Variants in CCDC83 observed in about 807,000 individuals in gnomAD.
The protein encoded by CCDC83 is coiled-coil domain containing 83.
In CCDC83, 54 loss-of-function variants were observed where a neutral mutation model predicts 50.1. The observed-to-expected ratio is 1.08, with a 90% CI of 0.87 to 1.35. CCDC83 has a LOEUF of 1.35. Ranked by LOEUF, CCDC83 falls within the 40% of genes most tolerant of loss-of-function variation. The pLI, the probability that CCDC83 is intolerant of heterozygous loss-of-function variation, is 0.00. For missense variants in CCDC83, 518 were observed against 473.9 expected, an observed-to-expected ratio of 1.09 and a Z score of -0.86; for synonymous variants, 161 against 153.3, an observed-to-expected ratio of 1.05 and a Z score of -0.37.
Position 85,919,408 on chromosome 11 carries a change from G to C in CCDC83, c.1140G>C (p.Met380Ile), listed in dbSNP as rs779300716. 8 of 1,613,604 alleles carry C rather than the reference G, an allele frequency of 5.0e-6. No homozygotes were observed. In the South Asian group the frequency reaches 8.8e-5, roughly 18 times the overall value. The change falls in exon 11 of 11, where the codon ATG (methionine) becomes ATC (isoleucine). Residue 380 changes from methionine to isoleucine, a missense_variant. Transcript: ENST00000342404. ...VKLMSVESKK[M>I]PIHFQEKEIP... is the part of the protein sequence containing the mutation. ...TTATGAGTGTGGAGAGCAAGAAAAT[G>C]CCCATTCATTTTCAAGAGAAGGAAA...
intron 3 of CCDC83, among the ~76,000 whole-genome samples, chr11:85,878,127 A>G (rs2093278617): frequency 6.6e-6 from 1 of 152,208 alleles, no homozygotes; most frequent in African/African-American, 2.4e-5. Flanking sequence ...TTTTGAAATA[A>G]GTATAGATTA....
intron 2 of CCDC83, among the ~76,000 whole-genome samples, chr11:85,870,507 A>C (rs1428511439): frequency 2.0e-5 from 3 of 152,166 alleles, no homozygotes; most frequent in Non-Finnish European, 4.4e-5. Context: ...GAGGTAGAAA[A>C]GGCACTCCTT....
At chr11:85,908,706 C>T (rs1228852250) in intron 7 of CCDC83, among the ~76,000 whole-genome samples, 1 of 151,198 alleles carries the variant, frequency 6.6e-6, no homozygotes, top group Non-Finnish European at 1.5e-5. Flanking sequence ...GAGTTTGAGA[C>T]CAACCTGACC....
At chr11:85,884,045 A>AC (rs752125138) in intron 4 of CCDC83, among the ~76,000 whole-genome samples, 4 of 152,168 alleles carry the variant, frequency 2.6e-5, no homozygotes, top group Non-Finnish European at 5.9e-5. Flanking sequence ...ATGGAGTGAG[A>AC]CCCCAAAGGA....
At chr11:85,912,663 A>G (rs997623954) in intron 8 of CCDC83, 4 of 1,606,790 alleles carry the variant, frequency 2.5e-6, no homozygotes, top group Non-Finnish European at 2.6e-6. Context: ...CCAGTGCTAC[A>G]TTCCTGTCCC....
rs764146289 is a variant in CCDC83 at position 85,873,238 on chromosome 11, G to C, written c.123G>C (p.Glu41Asp). The C allele has an allele frequency of 4.5e-6, 7 of 1,559,734 alleles. No homozygotes were observed. The African/African-American group carries it at 9.6e-5, about 21-fold the overall frequency. Residue 41 changes from glutamate (E) to aspartate (D), a missense_variant, in exon 3 of 11, where the codon GAG becomes GAC. Glu to Asp is a conservative substitution (Grantham distance 45). Coordinates refer to ENST00000342404, the MANE Select transcript of CCDC83 (RefSeq NM_001286159.2). Reference protein sequence around the residue: ...YQCQIKEDAVEQFMFQIKTLR... With the variant: ...YQCQIKEDAVDQFMFQIKTLR... ...GTCAAATAAAGGAAGATGCCGTGGAGCAATTCATGTTTCAAATAAAGACAC... is the reference window on the plus strand; with the variant it reads ...GTCAAATAAAGGAAGATGCCGTGGACCAATTCATGTTTCAAATAAAGACAC...
intron 7 of CCDC83, among the ~76,000 whole-genome samples, chr11:85,909,466 T>A (rs1250852140): frequency 2.0e-5 from 3 of 152,200 alleles, no homozygotes; most frequent in Non-Finnish European, 4.4e-5. Flanking sequence ...TGTCTCCCCA[T>A]GAGCACCTCC....
chr11:85,855,252 C>G (rs1217850796), upstream of CCDC83: 4 of 152,396 alleles, frequency 2.6e-5, no homozygotes, highest in African/African-American at 9.6e-5. Context: ...TTCTTGGCCC[C>G]CGACTCCTTC....
chr11:85,878,846 G>A (rs182528029), intron 3 of CCDC83, among the ~76,000 whole-genome samples: 3 of 152,196 alleles, frequency 2.0e-5, no homozygotes, highest in East Asian at 1.9e-4. Context: ...TAGTGATGCC[G>A]CTATGCACTA....
At chr11:85,858,640 A>G (rs79902741) in intron 1 of CCDC83, among the ~76,000 whole-genome samples, 2,610 of 152,240 alleles carry the variant, frequency 0.017, 26 homozygotes, top group African/African-American at 0.03. Context: ...TATGAATTCA[A>G]TGATCTTGGA....
chr11:85,882,463 A>G lies in CCDC83; in HGVS notation c.181-50A>G, dbSNP rs57401634. ...CTTCTTGACTCTATTTTGAGGAAAC[A>G]TAGTGTACATAGTTGATCAAACGTG... On this transcript the variant is annotated intron_variant, in intron 3 of 10. Transcript: ENST00000342404. 3.5e-3 allele frequency: 5,517 copies of G among 1,562,990 alleles called. 156 individuals carry two copies. In the African/African-American group the frequency reaches 0.064, roughly 18 times the overall value.
chr11:85,857,146 G>T (rs2093146285), intron 1 of CCDC83, among the ~76,000 whole-genome samples: 1 of 152,196 alleles, frequency 6.6e-6, no homozygotes, highest in South Asian at 2.1e-4. Flanking sequence ...GGGATGCAAA[G>T]CCCTGGATAT....
At chr11:85,895,992 T>C (rs1217270276) in intron 6 of CCDC83, among the ~76,000 whole-genome samples, 1 of 152,176 alleles carries the variant, frequency 6.6e-6, no homozygotes, top group Non-Finnish European at 1.5e-5. Context: ...CAGTGAATTA[T>C]TAATCAGTTA....
At chr11:85,872,720 T>C (rs2093245964) in intron 2 of CCDC83, among the ~76,000 whole-genome samples, 1 of 152,224 alleles carries the variant, frequency 6.6e-6, no homozygotes, top group African/African-American at 2.4e-5. Context: ...TAAAGAAATG[T>C]ATTTGTGCCA....
At chr11:85,865,357 C>G (rs2093200931) in intron 2 of CCDC83, 139 bp downstream of exon 2, 1 of 628,292 alleles carries the variant, frequency 1.6e-6, no homozygotes, top group Admixed American at 2.9e-5. Flanking sequence ...TAATTGCACT[C>G]TTGTGCTATG....
Position 85,886,273 on chromosome 11 carries a change from G to A in CCDC83, c.417G>A (p.Glu139=). 1.2e-6 allele frequency: 2 copies of A among 1,610,208 alleles called. No homozygotes were observed. The highest frequency in any genetic ancestry group is 1.7e-6 in the Non-Finnish European group (2 of 1,178,544). Residue 139 remains glutamate, a synonymous_variant, in exon 5 of 11, where the codon GAG becomes GAA. Coordinates refer to ENST00000342404, the MANE Select transcript of CCDC83 (RefSeq NM_001286159.2). ...TCAGTGAAAAGGAATATTGGGAGGA[G>A]TACAAGAATGTAGGGAGTGAACGAC... ...EKLSEKEYWE[E]YKNVGSERHA... is the part of the protein sequence containing the mutation.
intron 7 of CCDC83, among the ~76,000 whole-genome samples, chr11:85,910,733 A>T (rs532289384): frequency 6.6e-6 from 1 of 152,220 alleles, no homozygotes; most frequent in South Asian, 2.1e-4. Flanking sequence ...AACTATTCAG[A>T]CAAGTTCTGC....
chr11:85,904,912 AATTGTCATTAT>A (rs1220758279), intron 7 of CCDC83, among the ~76,000 whole-genome samples: 1 of 151,940 alleles, frequency 6.6e-6, no homozygotes, highest in Non-Finnish European at 1.5e-5. Context: ...ATTATCTTTA[AATTGTCATTAT>A]TAAGTCATGG....
intron 5 of CCDC83, among the ~76,000 whole-genome samples, chr11:85,893,404 T>C (rs1445278717): frequency 2.0e-5 from 3 of 152,286 alleles, no homozygotes; most frequent in Non-Finnish European, 2.9e-5. Flanking sequence ...TCCTGGTCAA[T>C]TGAAAGACCA....
Sources: gnomAD v4.1 joint callset for allele counts (sites outside exome capture counted in the v4.1 genomes callset) on GRCh38, gnomAD v4.1.1 for gene constraint, MANE v1.5 for transcripts, NCBI Gene and HGNC (gene_info 2026-07-23, HGNC 2026-07-21) for gene names.